The following TMEM178B variants were observed in gnomAD, a reference collection of about 807,000 sequenced individuals.
TMEM178B encodes the protein transmembrane protein 178B.
TMEM178B carries 5 observed loss-of-function variants against 31.0 expected under a neutral mutation model. The ratio of observed to expected loss-of-function variants is 0.16; its 90% confidence interval spans 0.08 to 0.34. The LOEUF (loss-of-function observed/expected upper bound fraction) is 0.34, where lower values mean the gene tolerates loss of function less well. Among genes scored for constraint, TMEM178B ranks in the 10% least tolerant of loss-of-function variants. The pLI, the probability that TMEM178B is intolerant of heterozygous loss-of-function variation, is 1.00. For synonymous variants in TMEM178B, 164 were observed against 164.0 expected (o/e 1.00, Z 0.00); for missense variants, 275 against 400.3 (o/e 0.69, Z 2.67).
chr7:141,190,442 T>C (rs1316416309), intron 1 of TMEM178B, among the ~76,000 whole-genome samples: 1 of 151,922 alleles, frequency 6.6e-6, no homozygotes, highest in Non-Finnish European at 1.5e-5. Flanking sequence ...GTCTCCCAAG[T>C]AGCTGGGACT....
chr7:141,084,882 T>C (rs1297147502), intron 1 of TMEM178B, among the ~76,000 whole-genome samples: 1 of 148,166 alleles, frequency 6.7e-6, no homozygotes, highest in Non-Finnish European at 1.5e-5. Context: ...TGTTTTGTAA[T>C]TTTTTTTTTT....
At chr7:141,284,124 C>T (rs1798407276) in intron 2 of TMEM178B, among the ~76,000 whole-genome samples, 1 of 152,168 alleles carries the variant, frequency 6.6e-6, no homozygotes, top group African/African-American at 2.4e-5. Context: ...ATGAACAACA[C>T]AGGCTTAAGG....
In TMEM178B at chr7:141,478,856, TG is replaced by T. The variant is rs1194367424; in HGVS notation, c.*8072del. The T allele has an allele frequency of 2.0e-5, 3 of 152,330 alleles. No homozygotes were observed. In the East Asian group the frequency reaches 5.8e-4, roughly 29 times the overall value. The allele number at this position is 152,330 out of a possible 1,614,324, so 9.4% of individuals were successfully genotyped here. ...GGAGACTGATGGGGGGGGTCCTTCC[TG>T]GTGGGTCACTCACTGCCATAGCTCT... On this transcript the variant is annotated 3_prime_UTR_variant, in exon 4 of 4. Coordinates refer to ENST00000565468, the MANE Select transcript of TMEM178B (RefSeq NM_001195278.2).
intron 2 of TMEM178B, chr7:141,352,335 C>G (rs1397821973): frequency 6.6e-6 from 1 of 151,908 alleles, no homozygotes; most frequent in Non-Finnish European, 1.5e-5. Context: ...ACCCTGGTGG[C>G]CAAGGCATGC....
intron 2 of TMEM178B, among the ~76,000 whole-genome samples, chr7:141,237,638 AT>A (rs1275218494): frequency 8.5e-5 from 13 of 152,068 alleles, no homozygotes; most frequent in Admixed American, 2.6e-4. Context: ...TCCTTTCAAG[AT>A]TTTTTTTGTA....
chr7:141,432,357 G>T (rs2116671925), intron 2 of TMEM178B, among the ~76,000 whole-genome samples: 1 of 152,118 alleles, frequency 6.6e-6, no homozygotes, highest in East Asian at 1.9e-4. Context: ...GTTTCACCAT[G>T]TTGGCCAGGC....
At chr7:141,508,671 TG>T in the TMEM178B span, among the ~76,000 whole-genome samples, 3 of 151,120 alleles carry the variant, frequency 2.0e-5, no homozygotes, top group African/African-American at 7.4e-5. Context: ...ACTTCTTACA[TG>T]GTGGCAGCAA....
chr7:141,452,718 A>G (rs990232467), intron 3 of TMEM178B, among the ~76,000 whole-genome samples: 1 of 152,214 alleles, frequency 6.6e-6, no homozygotes, highest in Non-Finnish European at 1.5e-5. Flanking sequence ...TTGTTTAGAT[A>G]AAACAAGTTA....
intron 3 of TMEM178B, among the ~76,000 whole-genome samples, chr7:141,463,026 G>T (rs1802085543): frequency 6.6e-6 from 1 of 152,180 alleles, no homozygotes; most frequent in African/African-American, 2.4e-5. Flanking sequence ...GGACACTGGA[G>T]CTCAGGGGTC....
chr7:141,312,001 G>C (rs1798918007), intron 2 of TMEM178B, among the ~76,000 whole-genome samples: 1 of 152,220 alleles, frequency 6.6e-6, no homozygotes, highest in Non-Finnish European at 1.5e-5. Flanking sequence ...GGTTGAAAGA[G>C]AGAAAGATGA....
At chr7:141,449,426 G>A (rs1801821417) in intron 3 of TMEM178B, among the ~76,000 whole-genome samples, 2 of 152,126 alleles carry the variant, frequency 1.3e-5, no homozygotes, top group South Asian at 4.2e-4. Context: ...ACCAAAAATA[G>A]CCTGACCCAA....
intron 1 of TMEM178B, among the ~76,000 whole-genome samples, chr7:141,194,791 C>A (rs553964180): frequency 2.0e-5 from 3 of 152,332 alleles, no homozygotes; most frequent in South Asian, 4.1e-4. Context: ...GAGGGCCCCA[C>A]CCCTGCAGCA....
chr7:141,353,474 A>G (rs1009105851), intron 2 of TMEM178B, among the ~76,000 whole-genome samples: 3 of 152,188 alleles, frequency 2.0e-5, no homozygotes, highest in Non-Finnish European at 4.4e-5. Flanking sequence ...TTTGCTTTAC[A>G]TAGATGTTGT....
downstream of TMEM178B, among the ~76,000 whole-genome samples, chr7:141,483,739 CTTT>C (rs34741245): frequency 2.1e-5 from 3 of 144,022 alleles, no homozygotes; most frequent in Admixed American, 7.0e-5. Flanking sequence ...TGCCCTTCTT[CTTT>C]TTTTTTTTTT....
chr7:141,291,844 A>G (rs1358422740), intron 2 of TMEM178B, among the ~76,000 whole-genome samples: 2 of 152,158 alleles, frequency 1.3e-5, no homozygotes, highest in Non-Finnish European at 2.9e-5. Flanking sequence ...AATTTTGGCA[A>G]CTTGCTGGGC....
intron 2 of TMEM178B, among the ~76,000 whole-genome samples, chr7:141,309,894 C>G (rs1250703263): frequency 6.6e-6 from 1 of 151,992 alleles, no homozygotes; most frequent in Non-Finnish European, 1.5e-5. Context: ...TAAAAAATGT[C>G]CAATTTAACC....
At chr7:141,325,266 A>G (rs1799169073) in intron 2 of TMEM178B, among the ~76,000 whole-genome samples, 1 of 152,156 alleles carries the variant, frequency 6.6e-6, no homozygotes, top group Non-Finnish European at 1.5e-5. Context: ...TGCAGGCAAA[A>G]TGCCTGAGAG....
intron 2 of TMEM178B, among the ~76,000 whole-genome samples, chr7:141,289,813 C>T (rs1798516013): frequency 6.6e-6 from 1 of 151,746 alleles, no homozygotes; most frequent in Non-Finnish European, 1.5e-5. Context: ...AGCAGCCTGA[C>T]CCCAGAGAAC....
intron 2 of TMEM178B, among the ~76,000 whole-genome samples, chr7:141,363,559 C>T (rs556883825): frequency 6.6e-6 from 1 of 152,204 alleles, no homozygotes; most frequent in Non-Finnish European, 1.5e-5. Context: ...CTGATTCTAA[C>T]TGCAGTGCTA....
Sources: allele counts gnomAD v4.1 joint callset (sites outside exome capture counted in the v4.1 genomes callset), GRCh38; gene constraint gnomAD v4.1.1; transcripts MANE v1.5; gene names NCBI Gene and HGNC (gene_info 2026-07-23, HGNC 2026-07-21).